DPY19L3: variants seen among roughly 807,000 people sequenced by gnomAD.
DPY19L3 encodes dpy-19 like C-mannosyltransferase 3.
DPY19L3 carries 51 observed loss-of-function variants against 92.3 expected under a neutral mutation model. The observed-to-expected ratio is 0.55, with a 90% CI of 0.44 to 0.70. DPY19L3 has a LOEUF of 0.70. DPY19L3 is among the 30% of genes least tolerant of loss of function. The pLI is 0.00. For missense variants in DPY19L3, 706 were observed against 855.9 expected (o/e 0.82, Z 2.18); for synonymous variants, 309 against 315.2 (o/e 0.98, Z 0.21).
intron 3 of DPY19L3, 58 bp from the exon 4 acceptor site, chr19:32,432,657 CA>C: frequency 7.1e-7 from 1 of 1,403,316 alleles, no homozygotes. Flanking sequence ...TCTACAGTAA[CA>C]ATATGTATTT....
At chr19:32,472,531 ATTTTT>A (rs3038605) in intron 16 of DPY19L3, among the ~76,000 whole-genome samples, 1 of 134,684 alleles carries the variant, frequency 7.4e-6, no homozygotes. Flanking sequence ...AAAAACTTGG[ATTTTT>A]TTTTTTTTTT....
In DPY19L3 at chr19:32,464,754, G is replaced by A. The variant is rs150059190; in HGVS notation, c.1584G>A (p.Pro528=). 591 of 1,525,206 alleles carry A rather than the reference G, an allele frequency of 3.9e-4. 4 individuals carry two copies. The African/African-American group carries it at 6.9e-3, about 18-fold the overall frequency. The allele number at this position is 1,525,206 out of a possible 1,614,324, so 94.5% of individuals were successfully genotyped here. ...TATGTATAATGCGATATTCAGTACC[G>A]ATATTAATACTGCTGTATCTATGCT... is the stretch of plus-strand genomic sequence containing the variant. The part of the protein sequence containing the change: ...KRICIMRYSV[P]ILILLYLCYK... Residue 528 remains proline (P), a synonymous_variant, in exon 15 of 19, where the codon CCG becomes CCA. Transcript: ENST00000392250.
intron 7 of DPY19L3, 141 bp from the exon 8 acceptor site, chr19:32,439,632 TAAC>T: frequency 5.2e-6 from 4 of 776,494 alleles, no homozygotes; most frequent in Non-Finnish European, 8.0e-6. Context: ...AGAGCTTAAA[TAAC>T]AAATGCAAGG....
chr19:32,410,982 A>G (rs1968158883), intron 2 of DPY19L3, among the ~76,000 whole-genome samples: 1 of 152,226 alleles, frequency 6.6e-6, no homozygotes. Flanking sequence ...TTAAACATGA[A>G]TAAGATAATG....
At chr19:32,423,402 A>ATTTTTCTTTTTTTTTTTTTTT (rs1968641655) in intron 3 of DPY19L3, among the ~76,000 whole-genome samples, 1 of 82,228 alleles carries the variant, frequency 1.2e-5, no homozygotes, top group Non-Finnish European at 2.4e-5. Context: ...TGCCCAGCTA[A>ATTTTTCTTTTTTTTTTTTTTT]TTTTTTTTTT....
At chr19:32,467,679 C>T (rs771389503) in intron 15 of DPY19L3, 96 of 987,498 alleles carry the variant, frequency 9.7e-5, no homozygotes, top group Non-Finnish European at 1.1e-4. Context: ...ATATTTTCTA[C>T]GTCAGTGGAG....
intron 3 of DPY19L3, among the ~76,000 whole-genome samples, chr19:32,426,913 G>A (rs974253773): frequency 1.3e-5 from 2 of 152,224 alleles, no homozygotes; most frequent in African/African-American, 2.4e-5. Context: ...CAAAGGGCGG[G>A]AAAGTGAGGC....
At chr19:32,459,617 C>T (rs943296469) in intron 12 of DPY19L3, among the ~76,000 whole-genome samples, 23 of 152,076 alleles carry the variant, frequency 1.5e-4, no homozygotes, top group African/African-American at 5.6e-4. Flanking sequence ...AATATCATTC[C>T]AGACATAGCA....
chr19:32,471,248 A>C (rs1238381364), intron 16 of DPY19L3, among the ~76,000 whole-genome samples: 1 of 152,204 alleles, frequency 6.6e-6, no homozygotes, highest in Admixed American at 6.5e-5. Context: ...TGTCTGAAAG[A>C]GTCCCAAGAC....
rs781084810 is a variant in DPY19L3, at chr19:32,480,399, G to A, written c.1831G>A (p.Val611Ile). 5 of 1,605,130 alleles carry A rather than the reference G, an allele frequency of 3.1e-6. No individual in the cohort carries two copies. The highest frequency in any genetic ancestry group is 4.2e-6 in the Non-Finnish European group (5 of 1,177,194). Residue 611 changes from valine to isoleucine, a missense_variant and splice_region_variant, in exon 18 of 19, where the codon GTT becomes ATT. By Grantham distance (29) the Val-to-Ile change is conservative. Transcript: ENST00000392250. The part of the protein sequence containing the change: ...DSSLRERTRA[V>I]YQIYAKRAPE... The stretch of plus-strand genomic sequence containing the variant: ...ATTGCATTTTTATGTCTTTTTGAAG[G>A]TTTATCAGATATATGCCAAGAGGGC...
intron 3 of DPY19L3, among the ~76,000 whole-genome samples, chr19:32,415,581 G>A (rs969030875): frequency 6.6e-6 from 1 of 152,210 alleles, no homozygotes. Context: ...AGTAGAGGCA[G>A]CGATGTCATC....
chr19:32,411,478 A>G (rs769564924), intron 3 of DPY19L3, 106 bp downstream of exon 3: 5 of 1,225,740 alleles, frequency 4.1e-6, no homozygotes, highest in East Asian at 4.7e-5. Flanking sequence ...AAAGAATCCA[A>G]TCTCTAGAAA....
intron 3 of DPY19L3, among the ~76,000 whole-genome samples, chr19:32,426,946 A>G (rs1295778286): frequency 6.6e-6 from 1 of 152,168 alleles, no homozygotes; most frequent in East Asian, 1.9e-4. Flanking sequence ...GGCGTGCCTG[A>G]AGTCGTTTCC....
In DPY19L3 at chr19:32,458,164, G is replaced by A; in HGVS notation, c.1154G>A (p.Gly385Glu). Reference sequence around the variant, plus strand: ...TTTCTGAAGGCAAAATTTGGGCTTGGAGCAACAAGGTATAACTGAATTGAA... The same window carrying A: ...TTTCTGAAGGCAAAATTTGGGCTTGAAGCAACAAGGTATAACTGAATTGAA... Reference protein sequence around the residue: ...FKFLKAKFGLGATRDFDANLY... With the variant: ...FKFLKAKFGLEATRDFDANLY... The change falls in exon 11 of 19, where the codon GGA becomes GAA. Residue 385 changes from glycine (G) to glutamate (E), a missense_variant. By Grantham distance (98) the Gly-to-Glu change is moderately conservative. Coordinates refer to ENST00000392250, the MANE Select transcript of DPY19L3 (RefSeq NM_001172774.2). 1 of 1,613,568 alleles carries A rather than the reference G, an allele frequency of 6.2e-7. No individual in the cohort carries two copies. The highest frequency in any genetic ancestry group is 8.5e-7 in the Non-Finnish European group (1 of 1,179,708).
intron 15 of DPY19L3, chr19:32,467,693 A>G (rs1970239805): frequency 5.1e-6 from 5 of 987,494 alleles, no homozygotes; most frequent in Admixed American, 1.2e-4. Flanking sequence ...AGTGGAGCAT[A>G]CATACATTGT....
chr19:32,412,898 C>G (rs956353768), intron 3 of DPY19L3: 1 of 151,922 alleles, frequency 6.6e-6, no homozygotes, highest in African/African-American at 2.4e-5. Flanking sequence ...CCACTGCACT[C>G]CAGCCTGGGC....
Position 32,482,593 on chromosome 19 carries a change from T to C in DPY19L3, c.*353T>C, listed in dbSNP as rs1233112722. On this transcript the variant is annotated 3_prime_UTR_variant, in exon 19 of 19. Coordinates refer to ENST00000392250, the MANE Select transcript of DPY19L3 (RefSeq NM_001172774.2). Reference sequence around the variant, plus strand: ...GCACCTGCTCAGGATTTGAAATACGTTTAATTTTCAGGTGACTTAAGACAG... The same window carrying C: ...GCACCTGCTCAGGATTTGAAATACGCTTAATTTTCAGGTGACTTAAGACAG... The C allele has an allele frequency of 5.5e-6, 1 of 182,554 alleles. No individual in the cohort carries two copies. Among genetic ancestry groups the C allele is most frequent in the Non-Finnish European group, 1.1e-5 (1 of 88,296 alleles). 11.3% of individuals were successfully genotyped at this position (182,554 alleles called of 1,614,324 possible).
At chr19:32,459,397 C>G (rs1423981776) in intron 12 of DPY19L3, among the ~76,000 whole-genome samples, 1 of 152,186 alleles carries the variant, frequency 6.6e-6, no homozygotes, top group African/African-American at 2.4e-5. Context: ...AACTGTGATT[C>G]ACAGCCACGA....
chr19:32,450,817 A>T (rs200352878), intron 8 of DPY19L3, among the ~76,000 whole-genome samples: 1 of 152,222 alleles, frequency 6.6e-6, no homozygotes, highest in South Asian at 2.1e-4. Context: ...GAATATACCA[A>T]AAATCATGAA....
Sources: allele counts gnomAD v4.1 joint callset (sites outside exome capture counted in the v4.1 genomes callset), GRCh38; gene constraint gnomAD v4.1.1; transcripts MANE v1.5; gene names NCBI Gene and HGNC (gene_info 2026-07-23, HGNC 2026-07-21).